PCDHGB4: variants seen among roughly 807,000 people sequenced by gnomAD.
PCDHGB4 encodes the protein protocadherin gamma-B4.
A neutral mutation model predicts 60.5 loss-of-function variants in PCDHGB4; 38 were observed. The observed-to-expected ratio is 0.63, with a 90% CI of 0.48 to 0.82. PCDHGB4 has a LOEUF of 0.82. Ranked by LOEUF, PCDHGB4 falls within the 40% of genes least tolerant of loss-of-function variation. PCDHGB4 has a pLI of 0.00. For synonymous variants in PCDHGB4, 456 were observed against 509.7 expected (o/e 0.89, Z 1.42); for missense variants, 1,109 against 1,209.6 (o/e 0.92, Z 1.23).
chr5:141,392,855 C>T (rs756361613), intron 1 of PCDHGB4: 1 of 1,612,176 alleles, frequency 6.2e-7, no homozygotes, highest in Non-Finnish European at 8.5e-7. Flanking sequence ...GCGAGCTGAT[C>T]CTGCTGTGCG....
chr5:141,473,117 C>A (rs976493841), intron 1 of PCDHGB4, among the ~76,000 whole-genome samples: 4 of 152,140 alleles, frequency 2.6e-5, no homozygotes, highest in Admixed American at 1.3e-4. Flanking sequence ...CTTTACTTGG[C>A]TCTTTGGCAA....
At position 141,389,432 on chromosome 5, in the gene PCDHGB4, C is replaced by G; in HGVS notation, c.1548C>G (p.Arg516=). 6.2e-7 allele frequency: 1 copy of G among 1,610,650 alleles called. No homozygotes were observed. Among genetic ancestry groups the G allele is most frequent in the Non-Finnish European group, 8.5e-7 (1 of 1,178,380 alleles). ...SAESGVVFAQ[R]AFDHEQLRAF... ...AGAGCGGGGTGGTGTTCGCGCAGCG[C>G]GCCTTCGACCACGAGCAGCTGCGCG... The change falls in exon 1 of 4, where the codon CGC becomes CGG. Residue 516 remains arginine (R), a synonymous_variant. Coordinates refer to ENST00000519479, the MANE Select transcript of PCDHGB4 (RefSeq NM_003736.4).
rs1015619417 is a variant in PCDHGB4 at position 141,455,526 on chromosome 5, C to T, written c.2398-39281C>T. Among the ~76,000 whole-genome samples the T allele has an allele frequency of 2.0e-5, 3 of 152,106 alleles. 1 individual carries two copies. Among genetic ancestry groups the T allele is most frequent in the South Asian group, 4.1e-4 (2 of 4,826 alleles). ...CATAGGGCTCAGGGGATTGGTTTGA[C>T]CAGGCATATCATTCACGTAGCCCGA... On this transcript the variant is annotated intron_variant, in intron 1 of 3. Coordinates refer to ENST00000519479, the MANE Select transcript of PCDHGB4 (RefSeq NM_003736.4).
In PCDHGB4 at chr5:141,491,556, C is replaced by T. The variant is rs2099720720; in HGVS notation, c.2398-3251C>T. The T allele has an allele frequency of 1.2e-6, 2 of 1,613,848 alleles. No homozygotes were observed. The highest frequency in any genetic ancestry group is 1.7e-5 in the Admixed American group (1 of 60,000). ...TGCGGCCCACAGACTCGCAGAGCCA[C>T]TGCTACAGGACGTGCTTTTCACCGG... On this transcript the variant is annotated intron_variant, in intron 1 of 3. Transcript: ENST00000519479. The surrounding 1 kb of genome is among the most constrained non-coding windows in gnomAD (Gnocchi z 6.9).
chr5:141,441,843 G>T, intron 1 of PCDHGB4: 1 of 356,176 alleles, frequency 2.8e-6, no homozygotes. Context: ...TCGCGCTCTT[G>T]GATATGGTGC....
chr5:141,419,566 C>T (rs765992004), intron 1 of PCDHGB4: 4 of 1,611,790 alleles, frequency 2.5e-6, no homozygotes, highest in East Asian at 2.2e-5. Flanking sequence ...CGCTGGGTCC[C>T]GACGGCTCCG....
At chr5:141,410,029 G>T (rs2095350230) in intron 1 of PCDHGB4, 15 of 1,613,274 alleles carry the variant, frequency 9.3e-6, no homozygotes, top group Non-Finnish European at 1.3e-5. Context: ...ACCACGTGCT[G>T]CAGGCCAGTG....
intron 1 of PCDHGB4, among the ~76,000 whole-genome samples, chr5:141,461,764 C>T (rs1005862192): frequency 6.6e-6 from 1 of 152,118 alleles, no homozygotes; most frequent in East Asian, 1.9e-4. Context: ...AGCGATTCTC[C>T]TGCCTCAGCC....
intron 1 of PCDHGB4, chr5:141,419,553 C>T (rs2096398346): frequency 1.2e-5 from 20 of 1,611,902 alleles, no homozygotes; most frequent in Non-Finnish European, 1.4e-5. Flanking sequence ...GTGCTGTACC[C>T]TGCGCTGGGT....
Position 141,389,339 on chromosome 5 carries a change from C to G in PCDHGB4, c.1455C>G (p.Val485=). The G allele has an allele frequency of 1.2e-6, 2 of 1,614,010 alleles. No individual in the cohort carries two copies. Among genetic ancestry groups the G allele is most frequent in the Middle Eastern group, 1.6e-4 (1 of 6,062 alleles). Residue 485 remains valine (V), a synonymous_variant, in exon 1 of 4, where the codon GTC becomes GTG. Coordinates refer to ENST00000519479, the MANE Select transcript of PCDHGB4 (RefSeq NM_003736.4). ...SDPDLGPNGQ[V]SYCIMASDLE... is the part of the protein sequence containing the mutation. Reference sequence around the variant, plus strand: ...CGGACTTGGGGCCCAACGGCCAAGTCTCTTACTGCATCATGGCCAGTGACC... The same window carrying G: ...CGGACTTGGGGCCCAACGGCCAAGTGTCTTACTGCATCATGGCCAGTGACC...
At chr5:141,454,625 C>T (rs1193628253) in intron 1 of PCDHGB4, among the ~76,000 whole-genome samples, 2 of 151,512 alleles carry the variant, frequency 1.3e-5, no homozygotes, top group East Asian at 1.9e-4. Flanking sequence ...AGGCTGGTCT[C>T]GAACCCCCAA....
intron 1 of PCDHGB4, chr5:141,398,637 T>G: frequency 6.2e-7 from 1 of 1,614,026 alleles, no homozygotes; most frequent in Non-Finnish European, 8.5e-7. Context: ...TGCAGAAGTA[T>G]AAACTCTCTC....
chr5:141,393,504 A>T, intron 1 of PCDHGB4: 1 of 1,614,036 alleles, frequency 6.2e-7, no homozygotes. Flanking sequence ...CATCCACGTG[A>T]CAGTGTTGGA....
At position 141,485,074 on chromosome 5, in the gene PCDHGB4, G is replaced by T. The variant is rs2099606548; in HGVS notation, c.2398-9733G>T. On this transcript the variant is annotated intron_variant, in intron 1 of 3. Transcript: ENST00000519479. The surrounding 1 kb of genome is among the most constrained non-coding windows in gnomAD (Gnocchi z 5.7). ...GGCCGAACCGCGCCAGAGCTGGCGCGGGGAAAGGGAGATAGGTGTCTCCAG... is the reference window on the plus strand; with the variant it reads ...GGCCGAACCGCGCCAGAGCTGGCGCTGGGAAAGGGAGATAGGTGTCTCCAG... The T allele has an allele frequency of 2.2e-6, 2 of 926,946 alleles. No homozygotes were observed. The highest frequency in any genetic ancestry group is 3.4e-6 in the Non-Finnish European group (2 of 596,630). 57.4% of individuals were successfully genotyped at this position (926,946 alleles called of 1,614,324 possible). A position where few individuals can be genotyped will look rare whatever the true frequency, so the allele number is the denominator to read the frequency against.
intron 1 of PCDHGB4, among the ~76,000 whole-genome samples, chr5:141,466,570 T>C (rs967163331): frequency 6.6e-6 from 1 of 152,202 alleles, no homozygotes; most frequent in East Asian, 1.9e-4. Flanking sequence ...TCTTCAACAT[T>C]GTCTCATCCC....
At chr5:141,420,289 AT>A in intron 1 of PCDHGB4, 1 of 1,497,936 alleles carries the variant, frequency 6.7e-7, no homozygotes, top group Non-Finnish European at 9.0e-7. Flanking sequence ...GTATTTAAAA[AT>A]GTATTTAATC....
In PCDHGB4 at chr5:141,418,992, A is replaced by G. The variant is rs554523363; in HGVS notation, c.2397+28711A>G. 28 of 1,613,802 alleles carry G rather than the reference A, an allele frequency of 1.7e-5. No individual in the cohort carries two copies. The African/African-American group carries it at 2.7e-4, about 15-fold the overall frequency. On this transcript the variant is annotated intron_variant, in intron 1 of 3. Coordinates refer to ENST00000519479, the MANE Select transcript of PCDHGB4 (RefSeq NM_003736.4). Reference sequence around the variant, plus strand: ...AAAACACGGGACCAAGACTCAGGGGAAAATGGGGAAGTCAGGTGTAGCTTA... The same window carrying G: ...AAAACACGGGACCAAGACTCAGGGGGAAATGGGGAAGTCAGGTGTAGCTTA...
Position 141,491,992 on chromosome 5 carries a change from T to G in PCDHGB4, c.2398-2815T>G. ...GGCCTCCTTCGAGCTTCCGGTGAAT[T>G]TCGGGCGATTTCCGCGGGTGTCGGG... On this transcript the variant is annotated intron_variant, in intron 1 of 3. Transcript: ENST00000519479. This position sits in a 1 kb window ranked among gnomAD's most constrained non-coding sequence, Gnocchi z 6.9. The G allele has an allele frequency of 1.5e-6, 1 of 684,982 alleles. No homozygotes were observed. The highest frequency in any genetic ancestry group is 2.3e-6 in the Non-Finnish European group (1 of 443,370). The allele number at this position is 684,982 out of a possible 1,614,324, so 42.4% of individuals were successfully genotyped here.
At chr5:141,433,347 C>T (rs1207853986) in intron 1 of PCDHGB4, 3 of 626,596 alleles carry the variant, frequency 4.8e-6, no homozygotes, top group Non-Finnish European at 8.3e-6. Context: ...GTGCAAGCCA[C>T]CTACTGTCTG....
Sources: allele counts gnomAD v4.1 joint callset (sites outside exome capture counted in the v4.1 genomes callset), GRCh38; gene constraint gnomAD v4.1.1; non-coding constraint Gnocchi (gnomAD v3.1); transcripts MANE v1.5; gene names NCBI Gene and HGNC (gene_info 2026-07-23, HGNC 2026-07-21).